Variants in MYRFL observed in about 807,000 individuals in gnomAD.
MYRFL encodes myelin regulatory factor like, also known as myelin regulatory factor-like protein.
MYRFL carries 88 observed loss-of-function variants against 109.4 expected under a neutral mutation model. The ratio of observed to expected loss-of-function variants is 0.80; its 90% CI spans 0.68 to 0.96. The LOEUF (loss-of-function observed/expected upper bound fraction) is 0.96, where lower values mean the gene tolerates loss of function less well. MYRFL is among the 40% of genes least tolerant of loss of function. The pLI, the probability that MYRFL is intolerant of heterozygous loss-of-function variation, is 0.00. For synonymous variants in MYRFL, 324 were observed against 320.9 expected, an observed-to-expected ratio of 1.01 and a Z score of -0.10; for missense variants, 957 against 954.9, an observed-to-expected ratio of 1.00 and a Z score of -0.03.
chr12:69,922,756 G>A (rs887326460), intron 13 of MYRFL, among the ~76,000 whole-genome samples: 18 of 152,136 alleles, frequency 1.2e-4, no homozygotes, highest in African/African-American at 4.1e-4. Flanking sequence ...TCCAGTTGGT[G>A]TTGAAATTTC....
rs774498018 is a variant in MYRFL, at chr12:69,879,270, C to A, written c.281C>A (p.Ala94Glu). The change falls in exon 4 of 25, where the codon GCG (alanine) becomes GAG (glutamate). Residue 94 changes from alanine (A) to glutamate (E), a missense_variant. Ala to Glu is a moderately radical substitution (Grantham distance 107). Transcript: ENST00000552032. ...TTTCTCCACCCCACAGCTGCTCCTG[C>A]GATGCCGCCCATGCACCCGCTGCAG... ...APFLHPTAAP[A>E]MPPMHPLQST... is the part of the protein sequence containing the mutation. 3 of 702,780 alleles carry A rather than the reference C, an allele frequency of 4.3e-6. No homozygotes were observed. In the South Asian group the frequency reaches 4.4e-5, roughly 10 times the overall value. 43.5% of individuals were successfully genotyped at this position (702,780 alleles called of 1,614,324 possible).
intron 1 of MYRFL, among the ~76,000 whole-genome samples, chr12:69,844,522 G>A (rs1271471058): frequency 1.3e-5 from 2 of 152,208 alleles, no homozygotes; most frequent in African/African-American, 2.4e-5. Flanking sequence ...CCTAAGCCCA[G>A]TGAAGCAGTA....
chr12:69,874,529 T>C (rs2136330254), intron 2 of MYRFL, among the ~76,000 whole-genome samples: 1 of 152,320 alleles, frequency 6.6e-6, no homozygotes, highest in East Asian at 1.9e-4. Context: ...TTCAATAATA[T>C]ATCATTTTTA....
At chr12:69,923,026 G>T (rs746419871) in intron 13 of MYRFL, among the ~76,000 whole-genome samples, 11 of 152,152 alleles carry the variant, frequency 7.2e-5, no homozygotes, top group Non-Finnish European at 1.3e-4. Context: ...TAAAAAAAAT[G>T]AGTTAAGCCC....
intron 2 of MYRFL, among the ~76,000 whole-genome samples, chr12:69,868,569 G>A (rs531246545): frequency 7.9e-5 from 12 of 152,282 alleles, no homozygotes; most frequent in Non-Finnish European, 1.2e-4. Context: ...AAGCAGCAGC[G>A]GAGGGGTGTG....
chr12:69,883,733 C>T (rs1010500482), intron 5 of MYRFL, among the ~76,000 whole-genome samples: 3 of 148,920 alleles, frequency 2.0e-5, no homozygotes, highest in Non-Finnish European at 3.0e-5. Context: ...AAAAATTAGC[C>T]GATGTGGTGG....
At chr12:69,861,368 T>C (rs1437965823) in intron 2 of MYRFL, among the ~76,000 whole-genome samples, 3 of 152,312 alleles carry the variant, frequency 2.0e-5, no homozygotes. Flanking sequence ...CTACCAACAG[T>C]GTAAAAGTGT....
At chr12:69,932,727 ACT>A in intron 16 of MYRFL, 129 bp downstream of exon 16, 1 of 640,004 alleles carries the variant, frequency 1.6e-6, no homozygotes, top group East Asian at 2.8e-5. Context: ...TAGACACTGA[ACT>A]CTGATAGCAT....
Position 69,958,707 on chromosome 12 carries a change from A to ATGTT in MYRFL, c.*179_*182dup, listed in dbSNP as rs1429740664. ...TTGAGACATTAATGAGGAGAATAAA[A>ATGTT]TGTTTGCTGAAACTTGAAATAATGT... On this transcript the variant is annotated 3_prime_UTR_variant, in exon 25 of 25. Transcript: ENST00000552032. The ATGTT allele has an allele frequency of 2.2e-5, 12 of 542,974 alleles. No homozygotes were observed. The highest frequency in any genetic ancestry group is 3.5e-5 in the Non-Finnish European group (11 of 312,370). The allele number at this position is 542,974 out of a possible 1,614,324, so 33.6% of individuals were successfully genotyped here. A position where few individuals can be genotyped will look rare whatever the true frequency, so the allele number is the denominator to read the frequency against.
intron 1 of MYRFL, among the ~76,000 whole-genome samples, chr12:69,830,178 C>G (rs1882541287): frequency 6.6e-6 from 1 of 151,832 alleles, no homozygotes; most frequent in Non-Finnish European, 1.5e-5. Context: ...ATTACCTCCT[C>G]CAGGAATAGG....
At chr12:69,922,018 A>G (rs890460712) in intron 13 of MYRFL, among the ~76,000 whole-genome samples, 13 of 151,980 alleles carry the variant, frequency 8.6e-5, no homozygotes, top group African/African-American at 2.9e-4. Context: ...TTACCAAGGG[A>G]AAAAAAAGAG....
At chr12:69,939,446 CG>C (rs1955573186) in intron 19 of MYRFL, among the ~76,000 whole-genome samples, 1 of 152,094 alleles carries the variant, frequency 6.6e-6, no homozygotes, top group African/African-American at 2.4e-5. Context: ...ACACCTCACA[CG>C]GCAGGGTACT....
At chr12:69,925,293 T>G (rs1361581423) in intron 13 of MYRFL, among the ~76,000 whole-genome samples, 1 of 152,154 alleles carries the variant, frequency 6.6e-6, no homozygotes, top group Non-Finnish European at 1.5e-5. Flanking sequence ...TTTCAGAGAG[T>G]TCTCCAGTGT....
chr12:69,942,595 A>T (rs889074655), intron 19 of MYRFL, among the ~76,000 whole-genome samples: 4,697 of 147,496 alleles, frequency 0.032, 260 homozygotes, highest in African/African-American at 0.11. Context: ...AATGGGCAAA[A>T]ACTGGAAGCA....
intron 2 of MYRFL, among the ~76,000 whole-genome samples, chr12:69,865,423 A>G (rs553626145): frequency 2.0e-5 from 3 of 152,168 alleles, no homozygotes; most frequent in Non-Finnish European, 2.9e-5. Flanking sequence ...TCCCCTTGGA[A>G]TGAGACAGAA....
At chr12:69,956,523 A>G (rs1282676578) in intron 22 of MYRFL, among the ~76,000 whole-genome samples, 1 of 152,054 alleles carries the variant, frequency 6.6e-6, no homozygotes, top group Non-Finnish European at 1.5e-5. Context: ...TCCTGATTTT[A>G]GTCTCTCCTT....
intron 13 of MYRFL, among the ~76,000 whole-genome samples, chr12:69,917,018 C>T (rs915185121): frequency 7.2e-5 from 11 of 152,132 alleles, no homozygotes; most frequent in African/African-American, 2.4e-4. Context: ...TCCCCAGCCC[C>T]TCCCTCTCTC....
At chr12:69,913,886 G>T (rs1174177582) in intron 13 of MYRFL, among the ~76,000 whole-genome samples, 1 of 152,074 alleles carries the variant, frequency 6.6e-6, no homozygotes, top group Non-Finnish European at 1.5e-5. Context: ...GATCACTTTG[G>T]GTAGTGTTGA....
chr12:69,869,154 A>AGC (rs1359736967), intron 2 of MYRFL, among the ~76,000 whole-genome samples: 3 of 152,242 alleles, frequency 2.0e-5, no homozygotes, highest in Admixed American at 2.0e-4. Context: ...CAGTGAACAA[A>AGC]ACAGATATAA....
Sources: gnomAD v4.1 joint callset for allele counts (sites outside exome capture counted in the v4.1 genomes callset) on GRCh38, gnomAD v4.1.1 for gene constraint, MANE v1.5 for transcripts, NCBI Gene and HGNC (gene_info 2026-07-23, HGNC 2026-07-21) for gene names.